Variants in FOXN2 observed in about 807,000 individuals in gnomAD.
FOXN2 encodes forkhead box N2, also known as forkhead box protein N2.
Under a neutral mutation model 41.2 loss-of-function variants are expected in FOXN2, and 19 were observed. That is an observed-to-expected ratio of 0.46 (90% CI 0.32 to 0.68). The LOEUF (loss-of-function observed/expected upper bound fraction) is 0.68. Among genes scored for constraint, FOXN2 ranks in the 30% least tolerant of loss-of-function variants. FOXN2 has a pLI of 0.03. For synonymous variants in FOXN2, 195 were observed against 176.8 expected (o/e 1.10, Z -0.82); for missense variants, 587 against 509.4 (o/e 1.15, Z -1.47).
intron 1 of FOXN2, among the ~76,000 whole-genome samples, chr2:48,323,000 G>T (rs1038943760): frequency 1.3e-5 from 2 of 151,468 alleles, no homozygotes; most frequent in African/African-American, 2.4e-5. Flanking sequence ...ATGCATGTAA[G>T]TAAATAATTG....
rs1428161607 is a variant in FOXN2, at chr2:48,375,095, C to G, written c.948C>G (p.Ser316=). 3.1e-6 allele frequency: 5 copies of G among 1,614,080 alleles called. No homozygotes were observed. The highest frequency in any genetic ancestry group is 4.2e-6 in the Non-Finnish European group (5 of 1,179,994). The part of the protein sequence containing the change: ...ASSMAAQRCA[S]RSSVSSLSSV... Reference sequence around the variant, plus strand: ...GCATGGCAGCACAGCGTTGTGCATCCAGGTCTAGCGTGTCTTCCCTGTCTT... The same window carrying G: ...GCATGGCAGCACAGCGTTGTGCATCGAGGTCTAGCGTGTCTTCCCTGTCTT... The change falls in exon 7 of 7, where the codon TCC becomes TCG. Residue 316 remains serine, a synonymous_variant. Coordinates refer to ENST00000340553, the MANE Select transcript of FOXN2 (RefSeq NM_002158.4).
chr2:48,326,946 G>A (rs771155284), intron 1 of FOXN2, among the ~76,000 whole-genome samples: 11 of 152,154 alleles, frequency 7.2e-5, no homozygotes, highest in Non-Finnish European at 1.3e-4. Flanking sequence ...GATAAGGAGT[G>A]AGTATTCAAC....
chr2:48,345,713 T>C (rs769329127), intron 2 of FOXN2, among the ~76,000 whole-genome samples: 1 of 152,134 alleles, frequency 6.6e-6, no homozygotes, highest in Non-Finnish European at 1.5e-5. Context: ...CTTTTTATAG[T>C]AAATATTTGA....
chr2:48,350,370 GAGC>G (rs1671373499), intron 3 of FOXN2, among the ~76,000 whole-genome samples: 1 of 152,194 alleles, frequency 6.6e-6, no homozygotes, highest in Admixed American at 6.5e-5. Context: ...ATTTGAGCAT[GAGC>G]AGATTTTCTG....
chr2:48,359,360 C>T (rs1362741347), intron 4 of FOXN2, among the ~76,000 whole-genome samples: 10 of 152,190 alleles, frequency 6.6e-5, no homozygotes, highest in Admixed American at 2.6e-4. Context: ...GTAGCGAGAT[C>T]TCGGCTCACT....
rs1558646655 is a variant in FOXN2, at chr2:48,376,738, C to T, written c.*1295C>T. ...ATTTGTATAATTTGATTAGATTATTCAGAAACAATAGGATGCTAAACTAAT... is the reference window on the plus strand; with the variant it reads ...ATTTGTATAATTTGATTAGATTATTTAGAAACAATAGGATGCTAAACTAAT... On this transcript the variant is annotated 3_prime_UTR_variant, in exon 7 of 7. Coordinates refer to ENST00000340553, the MANE Select transcript of FOXN2 (RefSeq NM_002158.4). 2 of 152,440 alleles carry T rather than the reference C, an allele frequency of 1.3e-5. No individual in the cohort carries two copies. Among genetic ancestry groups the T allele is most frequent in the African/African-American group, 4.8e-5 (2 of 41,432 alleles). 9.4% of individuals were successfully genotyped at this position (152,440 alleles called of 1,614,324 possible).
At position 48,348,783 on chromosome 2, in the gene FOXN2, C is replaced by G. The variant is rs140517867; in HGVS notation, c.537+2032C>G. ...TTTGTGTTTAAAGTGAGGCCTGGAG[C>G]AATAGATGACTTTTTTGTCTCAGCA... is the stretch of plus-strand genomic sequence containing the variant. On this transcript the variant is annotated intron_variant, in intron 3 of 6. Coordinates refer to ENST00000340553, the MANE Select transcript of FOXN2 (RefSeq NM_002158.4). Among the ~76,000 whole-genome samples the G allele has an allele frequency of 2.0e-3, 309 of 152,346 alleles. 2 individuals are homozygous for G. The highest frequency in any genetic ancestry group is 3.5e-3 in the Non-Finnish European group (235 of 68,038).
intron 2 of FOXN2, among the ~76,000 whole-genome samples, chr2:48,342,712 T>A (rs1200835800): frequency 2.0e-5 from 3 of 152,196 alleles, no homozygotes; most frequent in Non-Finnish European, 2.9e-5. Context: ...ACCCTGAACA[T>A]GCCTGATCTC....
intron 4 of FOXN2, among the ~76,000 whole-genome samples, chr2:48,360,879 T>C (rs1672127900): frequency 1.3e-5 from 2 of 150,134 alleles, no homozygotes; most frequent in Admixed American, 1.3e-4. Flanking sequence ...TGGGCATGGG[T>C]AGTGCACGCC....
intron 5 of FOXN2, among the ~76,000 whole-genome samples, chr2:48,369,709 C>G (rs1250932878): frequency 1.3e-5 from 2 of 151,510 alleles, no homozygotes; most frequent in African/African-American, 2.4e-5. Flanking sequence ...CAAGGTAGAT[C>G]CTTTTTATTA....
At chr2:48,320,766 G>A (rs1669257193) in intron 1 of FOXN2, among the ~76,000 whole-genome samples, 2 of 152,138 alleles carry the variant, frequency 1.3e-5, no homozygotes, top group African/African-American at 2.4e-5. Context: ...AGGATGAGAT[G>A]CTTACATCTT....
chr2:48,377,164 AT>A lies in FOXN2; in HGVS notation c.*1726del, dbSNP rs1016406350. ...GAATTGGTGCTGTCAAAATATAGTA[AT>A]TTTTAAATTTGTTAATAATGAAAAC... On this transcript the variant is annotated 3_prime_UTR_variant, in exon 7 of 7. Transcript: ENST00000340553. 1.3e-5 allele frequency: 2 copies of A among 151,860 alleles called. No individual in the cohort carries two copies. The highest frequency in any genetic ancestry group is 2.4e-5 in the African/African-American group (1 of 41,398). The allele number at this position is 151,860 out of a possible 1,614,324, so 9.4% of individuals were successfully genotyped here. A position where few individuals can be genotyped will look rare whatever the true frequency, so the allele number is the denominator to read the frequency against.
chr2:48,355,841 T>C (rs1671757461), intron 3 of FOXN2, among the ~76,000 whole-genome samples: 1 of 152,218 alleles, frequency 6.6e-6, no homozygotes, highest in Non-Finnish European at 1.5e-5. Context: ...TTTTTACTAC[T>C]CTGAAAAGAC....
At position 48,338,132 on chromosome 2, in the gene FOXN2, A is replaced by C. The variant is rs1670486875; in HGVS notation, c.-14-8069A>C. Among the ~76,000 whole-genome samples the C allele has an allele frequency of 2.0e-5, 3 of 152,210 alleles. No homozygotes were observed. The South Asian group carries it at 6.2e-4, about 31-fold the overall frequency. ...ACACTGTTATAATACCAACTCAGTT[A>C]AGTTAGAAATAGGTAACACAAAAAA... On this transcript the variant is annotated intron_variant, in intron 2 of 6. Transcript: ENST00000340553.
intron 2 of FOXN2, among the ~76,000 whole-genome samples, chr2:48,343,052 C>T (rs576999986): frequency 1.3e-5 from 2 of 152,056 alleles, no homozygotes; most frequent in African/African-American, 4.8e-5. Flanking sequence ...GAGTATGTTA[C>T]GTTAATAAAA....
intron 2 of FOXN2, chr2:48,340,677 T>C (rs1670698173): frequency 6.6e-6 from 1 of 152,236 alleles, no homozygotes; most frequent in South Asian, 2.1e-4. Context: ...TATTTATTTA[T>C]TTATTGATGT....
chr2:48,346,434 C>T lies in FOXN2; in HGVS notation c.220C>T (p.Leu74Phe). 6.2e-7 allele frequency: 1 copy of T among 1,614,142 alleles called. No homozygotes were observed. Among genetic ancestry groups the T allele is most frequent in the South Asian group, 1.1e-5 (1 of 91,084 alleles). The change falls in exon 3 of 7, where the codon CTC (leucine) becomes TTC (phenylalanine). Residue 74 changes from leucine to phenylalanine, a missense_variant. Physicochemically the swap from Leu to Phe is conservative, Grantham distance 22 (BLOSUM62 0). Transcript: ENST00000340553. ...CACTAATCTTCTAACAAACTTCAGC[C>T]TCGGAAGTGAGGGTCTTCCAATTGT... ...ESTNLLTNFSLGSEGLPIVSP... is the reference protein window; with the variant it reads ...ESTNLLTNFSFGSEGLPIVSP...
upstream of FOXN2, among the ~76,000 whole-genome samples, chr2:48,314,190 A>G (rs1668725182): frequency 6.6e-6 from 1 of 152,236 alleles, no homozygotes; most frequent in Non-Finnish European, 1.5e-5. Context: ...GGTGTCGAGG[A>G]AGGTCTCCTC....
At chr2:48,331,247 C>A (rs1277608374) in intron 2 of FOXN2, among the ~76,000 whole-genome samples, 2 of 151,790 alleles carry the variant, frequency 1.3e-5, no homozygotes, top group Non-Finnish European at 1.5e-5. Context: ...TATTTTATTT[C>A]CCAGTAAGAA....
Sources: gnomAD v4.1 joint callset for allele counts (sites outside exome capture counted in the v4.1 genomes callset) on GRCh38, gnomAD v4.1.1 for gene constraint, MANE v1.5 for transcripts, NCBI Gene and HGNC (gene_info 2026-07-23, HGNC 2026-07-21) for gene names.